Variants in DYNC2H1 observed in about 807,000 individuals in gnomAD.
DYNC2H1 encodes the protein dynein cytoplasmic 2 heavy chain 1.
A neutral mutation model predicts 570.0 loss-of-function variants in DYNC2H1; 410 were observed. That is an observed-to-expected ratio of 0.72 (90% CI 0.66 to 0.78). The LOEUF (loss-of-function observed/expected upper bound fraction) is 0.78, where lower values mean the gene tolerates loss of function less well. Among genes scored for constraint, DYNC2H1 ranks in the 30% least tolerant of loss-of-function variants. The probability of loss-of-function intolerance (pLI) is 0.00; values close to 1 mark genes in which losing one functional copy is unlikely to be tolerated. For missense variants in DYNC2H1, 4,865 were observed against 5,046.4 expected, an observed-to-expected ratio of 0.96 and a Z score of 1.09; for synonymous variants, 1,688 against 1,677.6, an observed-to-expected ratio of 1.01 and a Z score of -0.15.
chr11:103,215,960 A>G, intron 55 of DYNC2H1, 102 bp downstream of exon 55: 1 of 1,383,678 alleles, frequency 7.2e-7, no homozygotes. Context: ...TTTAAAAAAT[A>G]TTGCTTATTC....
chr11:103,118,632 T>C (rs1858543868), intron 6 of DYNC2H1, among the ~76,000 whole-genome samples: 1 of 152,154 alleles, frequency 6.6e-6, no homozygotes. Context: ...CTTAATATCA[T>C]TTTATGTCTA....
chr11:103,214,114 A>G (rs774316111), intron 54 of DYNC2H1, among the ~76,000 whole-genome samples: 1 of 152,146 alleles, frequency 6.6e-6, no homozygotes, highest in Non-Finnish European at 1.5e-5. Context: ...TACTTTGCTG[A>G]AAATCAGTGG....
chr11:103,418,735 C>A (rs1456025947), intron 84 of DYNC2H1, among the ~76,000 whole-genome samples: 1 of 152,230 alleles, frequency 6.6e-6, no homozygotes, highest in Non-Finnish European at 1.5e-5. Context: ...TGGCATGGAG[C>A]CAAAGGAACC....
At chr11:103,385,168 A>T (rs2566938) in intron 83 of DYNC2H1, among the ~76,000 whole-genome samples, 144,575 of 151,684 alleles carry the variant, frequency 0.95, 69,102 homozygotes, top group Non-Finnish European at 0.99. Context: ...TCATTTTTTT[A>T]AAAAATTGGG....
chr11:103,134,467 C>A, intron 15 of DYNC2H1, 48 bp downstream of exon 15: 1 of 1,470,526 alleles, frequency 6.8e-7, no homozygotes, highest in South Asian at 1.4e-5. Flanking sequence ...ATGACCTTTT[C>A]AGAATGTAAG....
At chr11:103,136,446 A>C (rs183949926) in intron 17 of DYNC2H1, among the ~76,000 whole-genome samples, 1 of 148,194 alleles carries the variant, frequency 6.7e-6, no homozygotes, top group African/African-American at 2.5e-5. Context: ...TCATTGTTCA[A>C]TTCCCACCTA....
intron 1 of DYNC2H1, among the ~76,000 whole-genome samples, chr11:103,112,005 G>A (rs1489054247): frequency 6.6e-6 from 1 of 152,210 alleles, no homozygotes; most frequent in Non-Finnish European, 1.5e-5. Flanking sequence ...GTATTGATAA[G>A]TGCCGTTAAG....
At position 103,189,211 on chromosome 11, in the gene DYNC2H1, T is replaced by A. The variant is rs1340817799; in HGVS notation, c.7293-461T>A. On this transcript the variant is annotated intron_variant, in intron 44 of 88. Coordinates refer to ENST00000375735, the MANE Select transcript of DYNC2H1 (RefSeq NM_001377.3). The surrounding 1 kb of genome is among the most constrained non-coding windows in gnomAD (Gnocchi z 4.3). ...GCTAATTGTACTCCATCAATTAAAC[T>A]TTTTTTTTTCTAGAAATATTCCTGC... 6.8e-6 allele frequency among the ~76,000 whole-genome samples: 1 copy of A among 146,732 alleles called. No individual in the cohort carries two copies. The highest frequency in any genetic ancestry group is 2.7e-5 in the African/African-American group (1 of 37,660).
intron 32 of DYNC2H1, among the ~76,000 whole-genome samples, chr11:103,169,379 T>A (rs1443745023): frequency 6.6e-6 from 1 of 152,116 alleles, no homozygotes; most frequent in Non-Finnish European, 1.5e-5. Flanking sequence ...GATGAAAAAA[T>A]TTTCAGACAA....
chr11:103,343,094 T>A (rs1488132566), intron 82 of DYNC2H1, among the ~76,000 whole-genome samples: 1 of 152,070 alleles, frequency 6.6e-6, no homozygotes, highest in East Asian at 1.9e-4. Context: ...CTCTTTGGAG[T>A]TGGGAGCATT....
Position 103,323,965 on chromosome 11 carries a change from C to G in DYNC2H1, c.12014C>G (p.Ser4005Ter). The G allele has an allele frequency of 6.2e-7, 1 of 1,611,696 alleles. No homozygotes were observed. Among genetic ancestry groups the G allele is most frequent in the Non-Finnish European group, 8.5e-7 (1 of 1,178,872 alleles). Reference sequence around the variant, plus strand: ...GGTCTGCCTGCCAATATCGCTCGCTCATCTCAGCGCATGATCAGTTCTCAG... The same window carrying G: ...GGTCTGCCTGCCAATATCGCTCGCTGATCTCAGCGCATGATCAGTTCTCAG... ...FFGLPANIAR[S>*]SQRMISSQVI... The change falls in exon 82 of 89, where the codon TCA (serine) becomes TGA (stop). Residue 4005 changes from serine (S) to a stop codon, truncating the protein, a stop_gained. Coordinates refer to ENST00000375735, the MANE Select transcript of DYNC2H1 (RefSeq NM_001377.3). LOFTEE classifies it high-confidence loss of function.
chr11:103,153,479 TG>T lies in DYNC2H1; in HGVS notation c.3274del (p.Asp1092IlefsTer72), dbSNP rs1860668052. ...TAAAAGAGAAAAAAATTGAGTTTGA[TG>T]ATCTTGAAGTCACAAGAAAAAAGCT... is the stretch of plus-strand genomic sequence containing the variant. ...LIKEKKIEFD[D>X]LEVTRKKLVD... is the part of the protein sequence containing the mutation. On this transcript the variant is annotated frameshift_variant, in exon 22 of 89. Transcript: ENST00000375735. LOFTEE classifies it high-confidence loss of function. 2 of 1,567,098 alleles carry T rather than the reference TG, an allele frequency of 1.3e-6. No individual in the cohort carries two copies. The highest frequency in any genetic ancestry group is 2.7e-5 in the African/African-American group (2 of 73,320).
chr11:103,117,883 G>C lies in DYNC2H1; in HGVS notation c.999+20G>C. The C allele has an allele frequency of 4.4e-6, 7 of 1,578,054 alleles. No homozygotes were observed. The highest frequency in any genetic ancestry group is 6.1e-6 in the Non-Finnish European group (7 of 1,155,714). ...GAAGAGGTATCAATTTGATTATCTAGATCTTTGTCTTTAAATGTAAAGTGT... is the reference window on the plus strand; with the variant it reads ...GAAGAGGTATCAATTTGATTATCTACATCTTTGTCTTTAAATGTAAAGTGT... On this transcript the variant is annotated intron_variant, in intron 6 of 88. Transcript: ENST00000375735.
At chr11:103,232,720 T>A (rs1864065490) in intron 60 of DYNC2H1, among the ~76,000 whole-genome samples, 3 of 152,048 alleles carry the variant, frequency 2.0e-5, no homozygotes, top group Admixed American at 1.3e-4. Context: ...CCATTTCTAA[T>A]ACAACTTATA....
chr11:103,115,440 A>G (rs574334723), intron 4 of DYNC2H1, 145 bp downstream of exon 4: 185 of 516,392 alleles, frequency 3.6e-4, no homozygotes, highest in Admixed American at 4.4e-4. Flanking sequence ...TTTAAGTTGT[A>G]TATGTAAAAT....
chr11:103,253,840 C>T (rs962010869), intron 66 of DYNC2H1, among the ~76,000 whole-genome samples: 2 of 152,022 alleles, frequency 1.3e-5, no homozygotes, highest in Non-Finnish European at 2.9e-5. Flanking sequence ...ATTCCTGAGC[C>T]AGCATTTTTT....
At chr11:103,313,396 A>G (rs974312825) in intron 79 of DYNC2H1, among the ~76,000 whole-genome samples, 1 of 152,172 alleles carries the variant, frequency 6.6e-6, no homozygotes, top group Non-Finnish European at 1.5e-5. Context: ...TCTTCTTGCC[A>G]AATGCTTCTC....
intron 38 of DYNC2H1, 57 bp from the exon 39 acceptor site, chr11:103,178,969 A>T: frequency 6.8e-7 from 1 of 1,466,368 alleles, no homozygotes; most frequent in Non-Finnish European, 9.3e-7. Context: ...CCTTATTTTT[A>T]ATTATTATCA....
At chr11:103,128,374 G>A (rs1323733388) in intron 12 of DYNC2H1, among the ~76,000 whole-genome samples, 1 of 152,216 alleles carries the variant, frequency 6.6e-6, no homozygotes, top group Non-Finnish European at 1.5e-5. Context: ...GCCAAGAGAG[G>A]AGAGTGTATG....
Sources: allele counts gnomAD v4.1 joint callset (sites outside exome capture counted in the v4.1 genomes callset), GRCh38; gene constraint gnomAD v4.1.1; non-coding constraint Gnocchi (gnomAD v3.1); transcripts MANE v1.5; gene names NCBI Gene and HGNC (gene_info 2026-07-23, HGNC 2026-07-21).